The following ATF7IP2 variants were observed in gnomAD, a reference collection of about 807,000 sequenced individuals.
ATF7IP2 encodes the protein activating transcription factor 7 interacting protein 2, also known as activating transcription factor 7-interacting protein 2.
Under a neutral mutation model 64.2 loss-of-function variants are expected in ATF7IP2, and 42 were observed. That is an observed-to-expected ratio of 0.65 (90% CI 0.51 to 0.85). The LOEUF is 0.85. Among genes scored for constraint, ATF7IP2 ranks in the 40% least tolerant of loss-of-function variants. ATF7IP2 has a pLI of 0.00. For synonymous variants in ATF7IP2, 308 were observed against 272.8 expected (o/e 1.13, Z -1.27); for missense variants, 933 against 784.2 (o/e 1.19, Z -2.27).
intron 8 of ATF7IP2, chr16:10,448,846 T>C (rs1443294635): frequency 6.6e-6 from 1 of 152,178 alleles, no homozygotes; most frequent in East Asian, 1.9e-4. Flanking sequence ...CAATACTATG[T>C]TGAATAGGAG....
rs931955976 is a variant in ATF7IP2, at chr16:10,388,131, T to C, written c.-242+2009T>C. ...GTCTCGAATTCCTGACCTCAGGTGATCAGCCCGCCTCTGCCTCCCAAAGTG... is the reference window on the plus strand; with the variant it reads ...GTCTCGAATTCCTGACCTCAGGTGACCAGCCCGCCTCTGCCTCCCAAAGTG... On this transcript the variant is annotated intron_variant, in intron 1 of 13. Coordinates refer to ENST00000562102, the MANE Select transcript of ATF7IP2 (RefSeq NM_001393719.1). 3.3e-5 allele frequency among the ~76,000 whole-genome samples: 5 copies of C among 152,302 alleles called. No individual in the cohort carries two copies. In the East Asian group the frequency reaches 7.7e-4, roughly 23 times the overall value.
At chr16:10,396,333 C>T (rs771325226) in intron 1 of ATF7IP2, among the ~76,000 whole-genome samples, 2 of 152,108 alleles carry the variant, frequency 1.3e-5, no homozygotes, top group Non-Finnish European at 2.9e-5. Context: ...TACATTGGCT[C>T]TTCATTCTGT....
chr16:10,404,736 C>A, intron 1 of ATF7IP2, among the ~76,000 whole-genome samples: 1 of 151,918 alleles, frequency 6.6e-6, no homozygotes, highest in East Asian at 1.9e-4. Context: ...GACAGGATTT[C>A]CCCATGTTGG....
chr16:10,465,540 C>T (rs954021489), intron 9 of ATF7IP2, among the ~76,000 whole-genome samples: 1 of 151,614 alleles, frequency 6.6e-6, no homozygotes, highest in African/African-American at 2.4e-5. Flanking sequence ...GAATTTGACA[C>T]CAGCCTGGGC....
chr16:10,424,782 A>G (rs1167069179), intron 3 of ATF7IP2, among the ~76,000 whole-genome samples: 1 of 152,212 alleles, frequency 6.6e-6, no homozygotes, highest in Non-Finnish European at 1.5e-5. Flanking sequence ...TCAAAATGGC[A>G]ATAAGGCACT....
At chr16:10,436,171 G>A (rs761095557) in intron 6 of ATF7IP2, among the ~76,000 whole-genome samples, 2 of 152,264 alleles carry the variant, frequency 1.3e-5, no homozygotes, top group South Asian at 4.1e-4. Flanking sequence ...GACCAGCCTG[G>A]CCAACAATGG....
rs530481131 is a variant in ATF7IP2 at position 10,481,842 on chromosome 16, G to C, written c.1642G>C (p.Glu548Gln). Residue 548 changes from glutamate to glutamine, a missense_variant, in exon 14 of 14, where the codon GAG (glutamate) becomes CAG (glutamine). Glu to Gln is a conservative substitution (Grantham distance 29). Coordinates refer to ENST00000562102, the MANE Select transcript of ATF7IP2 (RefSeq NM_001393719.1). ...CTTACAATTGTGTTTTTAGGTTCCT[G>C]AGTCCTTTGAGCACCTGCCACCTCT... Reference protein sequence around the residue: ...PLAQNAVQVPESFEHLPPLPE... With the variant: ...PLAQNAVQVPQSFEHLPPLPE... 6.3e-7 allele frequency: 1 copy of C among 1,577,996 alleles called. No individual in the cohort carries two copies. The highest frequency in any genetic ancestry group is 2.2e-5 in the East Asian group (1 of 44,622).
At chr16:10,395,067 T>G (rs1160502008) in intron 1 of ATF7IP2, among the ~76,000 whole-genome samples, 2 of 151,848 alleles carry the variant, frequency 1.3e-5, no homozygotes, top group Admixed American at 1.3e-4. Context: ...AATTAAACAT[T>G]CAGCTAAACT....
intron 6 of ATF7IP2, among the ~76,000 whole-genome samples, chr16:10,434,561 C>T (rs908708865): frequency 1.3e-5 from 2 of 152,034 alleles, no homozygotes; most frequent in African/African-American, 4.8e-5. Context: ...AAGAGTTACG[C>T]AGAACCAGCT....
intron 12 of ATF7IP2, among the ~76,000 whole-genome samples, chr16:10,476,010 G>C (rs113588614): frequency 2.3e-3 from 355 of 152,132 alleles, no homozygotes; most frequent in African/African-American, 8.2e-3. Context: ...ATTTGCCAAG[G>C]GCCAGTTGAC....
At chr16:10,460,096 A>T (rs1394124734) in intron 9 of ATF7IP2, among the ~76,000 whole-genome samples, 2 of 152,192 alleles carry the variant, frequency 1.3e-5, no homozygotes, top group African/African-American at 4.8e-5. Flanking sequence ...GAATTCAAAT[A>T]TCTAAGAAAT....
intron 3 of ATF7IP2, among the ~76,000 whole-genome samples, chr16:10,420,378 G>C (rs2047967805): frequency 6.6e-6 from 1 of 152,238 alleles, no homozygotes; most frequent in Admixed American, 6.5e-5. Context: ...ATTTGCCAAA[G>C]AGAATTAGGT....
intron 7 of ATF7IP2, among the ~76,000 whole-genome samples, chr16:10,439,678 G>A (rs1055952844): frequency 4.4e-4 from 66 of 149,954 alleles, no homozygotes; most frequent in African/African-American, 1.5e-3. Context: ...GATTACAGGC[G>A]CCTGCCACTA....
At chr16:10,421,972 A>G (rs534896747) in intron 3 of ATF7IP2, among the ~76,000 whole-genome samples, 1 of 152,268 alleles carries the variant, frequency 6.6e-6, no homozygotes, top group Non-Finnish European at 1.5e-5. Context: ...CCAATTTTTC[A>G]GAATCATAGC....
At chr16:10,409,949 C>A (rs1335511903) in intron 1 of ATF7IP2, among the ~76,000 whole-genome samples, 1 of 152,110 alleles carries the variant, frequency 6.6e-6, no homozygotes, top group African/African-American at 2.4e-5. Context: ...ATTTTTATAC[C>A]AGTAGCATGC....
At chr16:10,466,468 G>T (rs1467612367) in intron 9 of ATF7IP2, among the ~76,000 whole-genome samples, 1 of 152,100 alleles carries the variant, frequency 6.6e-6, no homozygotes, top group Non-Finnish European at 1.5e-5. Flanking sequence ...CAAAGAAGTT[G>T]TACCAAGTTA....
Position 10,472,855 on chromosome 16 carries a change from C to CAAAA in ATF7IP2, c.1427-608_1427-605dup, listed in dbSNP as rs71133355. On this transcript the variant is annotated intron_variant, in intron 10 of 13. Coordinates refer to ENST00000562102, the MANE Select transcript of ATF7IP2 (RefSeq NM_001393719.1). Reference sequence around the variant, plus strand: ...TGGGCAAAACAGCAAGACTCCGTCTCAAAAAAAAAAAAAAAAAAATTTTAA... The same window carrying CAAAA: ...TGGGCAAAACAGCAAGACTCCGTCTCAAAAAAAAAAAAAAAAAAAAAAATTTTAA... Among the ~76,000 whole-genome samples the CAAAA allele has an allele frequency of 3.2e-3, 320 of 99,082 alleles. 1 individual carries two copies. The highest frequency in any genetic ancestry group is 5.5e-3 in the Non-Finnish European group (245 of 44,694). The allele number at this position is 99,082 out of a possible 152,430, so 65.0% of individuals were successfully genotyped here.
In ATF7IP2 at chr16:10,397,493, C is replaced by G. The variant is rs151306868; in HGVS notation, c.-242+11371C>G. Among the ~76,000 whole-genome samples, 1,074 of 152,160 alleles carry G rather than the reference C, an allele frequency of 7.1e-3. 12 individuals carry two copies. The highest frequency in any genetic ancestry group is 0.024 in the African/African-American group (1,000 of 41,504). On this transcript the variant is annotated intron_variant, in intron 1 of 13. Coordinates refer to ENST00000562102, the MANE Select transcript of ATF7IP2 (RefSeq NM_001393719.1). ...GAACTCAAATAACAAGAAAATAAGC[C>G]AATTAAAAAATGAATTCAAGAGTTT... is the stretch of plus-strand genomic sequence containing the variant.
chr16:10,478,043 A>G (rs2050075656), intron 12 of ATF7IP2, among the ~76,000 whole-genome samples: 2 of 151,452 alleles, frequency 1.3e-5, no homozygotes, highest in East Asian at 3.9e-4. Flanking sequence ...GCTCATGGGT[A>G]GGAAGAATCA....
Sources: gnomAD v4.1 joint callset for allele counts (sites outside exome capture counted in the v4.1 genomes callset) on GRCh38, gnomAD v4.1.1 for gene constraint, MANE v1.5 for transcripts, NCBI Gene and HGNC (gene_info 2026-07-23, HGNC 2026-07-21) for gene names.